The following NFIC variants were observed in gnomAD, a reference collection of about 807,000 sequenced individuals.
NFIC encodes the protein nuclear factor I C.
Under a neutral mutation model 54.4 loss-of-function variants are expected in NFIC, and 12 were observed. The observed-to-expected ratio is 0.22, with a 90% confidence interval of 0.14 to 0.36. The LOEUF (loss-of-function observed/expected upper bound fraction) is 0.36. Ranked by LOEUF, NFIC falls within the 10% of genes least tolerant of loss-of-function variation. NFIC has a pLI of 1.00. For synonymous variants in NFIC, 322 were observed against 319.2 expected, an observed-to-expected ratio of 1.01 and a Z score of -0.09; for missense variants, 575 against 718.2, an observed-to-expected ratio of 0.80 and a Z score of 2.28.
rs73919112 is a variant in NFIC, at chr19:3,360,902, G to A, written c.3+1217G>A. ...TGGCCGCGTTCCAGGGGACAGTTGG[G>A]TGCCGCTTGCTGTGTGCGAGTGACT... On this transcript the variant is annotated intron_variant, in intron 1 of 9. Coordinates refer to the NFIC transcript ENST00000395111. 9.7e-3 allele frequency among the ~76,000 whole-genome samples: 1,480 copies of A among 152,314 alleles called. 26 individuals are homozygous for A. Among genetic ancestry groups the A allele is most frequent in the African/African-American group, 0.033 (1,373 of 41,578 alleles).
chr19:3,406,306 C>T (rs2081647700), intron 2 of NFIC, among the ~76,000 whole-genome samples: 1 of 126,206 alleles, frequency 7.9e-6, no homozygotes, highest in African/African-American at 3.0e-5. Context: ...GTTGCCCAGG[C>T]TGGTCTCGAA....
At chr19:3,387,905 G>A (rs1057095427) in intron 2 of NFIC, among the ~76,000 whole-genome samples, 2 of 152,082 alleles carry the variant, frequency 1.3e-5, no homozygotes, top group African/African-American at 2.4e-5. Context: ...CTGTCTGCCC[G>A]CCCAGGGCCT....
chr19:3,373,625 C>CA (rs1279172325), intron 1 of NFIC, among the ~76,000 whole-genome samples: 1 of 124,462 alleles, frequency 8.0e-6, no homozygotes, highest in Non-Finnish European at 1.6e-5. Flanking sequence ...GGACCCCCCC[C>CA]CCAAGCTAAA....
intron 2 of NFIC, among the ~76,000 whole-genome samples, chr19:3,386,512 G>T (rs949298776): frequency 6.6e-6 from 1 of 151,850 alleles, no homozygotes; most frequent in Non-Finnish European, 1.5e-5. Flanking sequence ...TAGTAGAGAC[G>T]GGCTTTCACC....
chr19:3,360,533 A>G (rs1297850001), intron 1 of NFIC, among the ~76,000 whole-genome samples: 1 of 151,804 alleles, frequency 6.6e-6, no homozygotes, highest in African/African-American at 2.4e-5. Context: ...CGGCATTGGC[A>G]TCTGGGGGAG....
At chr19:3,397,655 C>G (rs537681162) in intron 2 of NFIC, among the ~76,000 whole-genome samples, 3 of 152,258 alleles carry the variant, frequency 2.0e-5, no homozygotes, top group Non-Finnish European at 4.4e-5. Flanking sequence ...CCATCCCACC[C>G]AGTGGGCTGC....
At chr19:3,383,661 G>A (rs2081248184) in intron 2 of NFIC, among the ~76,000 whole-genome samples, 1 of 152,190 alleles carries the variant, frequency 6.6e-6, no homozygotes, top group Admixed American at 6.5e-5. Context: ...GCCCATCCAG[G>A]CCGTGTCTGG....
chr19:3,397,149 A>G (rs59840321), intron 2 of NFIC, among the ~76,000 whole-genome samples: 4,046 of 152,130 alleles, frequency 0.027, 185 homozygotes, highest in African/African-American at 0.093. Flanking sequence ...CCGTCTCACA[A>G]CCACCCGCTG....
chr19:3,440,981 A>AT (rs528473488), intron 6 of NFIC, among the ~76,000 whole-genome samples: 50 of 152,072 alleles, frequency 3.3e-4, no homozygotes, highest in Middle Eastern at 6.8e-3. Context: ...ACACCTGGCT[A>AT]TTTTTTGTAC....
chr19:3,371,487 GA>G (rs1555739091), intron 1 of NFIC: 1 of 13,500 alleles, frequency 7.4e-5, no homozygotes, highest in Non-Finnish European at 2.1e-4. Context: ...CCTGTTGCAC[GA>G]ATGAATGAAT....
chr19:3,403,696 GC>G (rs1264347520), intron 2 of NFIC, among the ~76,000 whole-genome samples: 1 of 152,174 alleles, frequency 6.6e-6, no homozygotes, highest in African/African-American at 2.4e-5. Context: ...CCTTCCTCCT[GC>G]CTCCTTTGGC....
Position 3,452,492 on chromosome 19 carries a change from G to A in NFIC, c.1095G>A (p.Arg365=). The A allele has an allele frequency of 6.2e-7, 1 of 1,611,906 alleles. No homozygotes were observed. The highest frequency in any genetic ancestry group is 8.5e-7 in the Non-Finnish European group (1 of 1,179,974). ...CCACTGTCTCCGCAGGGATCGCCCG[G>A]AGCCCACACCCGTCCTCCGCTCTGC... ...PVIAVHSGIA[R]SPHPSSALHF... Residue 365 remains arginine (R), a synonymous_variant, in exon 8 of 11, where the codon CGG becomes CGA. Transcript: ENST00000443272. This position sits in a 1 kb window ranked among gnomAD's most constrained non-coding sequence, Gnocchi z 5.3.
Position 3,370,710 on chromosome 19 carries a change from C to T in NFIC, c.30+4044C>T, listed in dbSNP as rs143167174. Among the ~76,000 whole-genome samples, 3 of 136,248 alleles carry T rather than the reference C, an allele frequency of 2.2e-5. No individual in the cohort carries two copies. Among genetic ancestry groups the T allele is most frequent in the Admixed American group, 7.5e-5 (1 of 13,342 alleles). 89.4% of individuals were successfully genotyped at this position (136,248 alleles called of 152,430 possible). A position where few individuals can be genotyped will look rare whatever the true frequency, so the allele number is the denominator to read the frequency against. The stretch of plus-strand genomic sequence containing the variant: ...TCTCTCTGTCTGTCTCTTTCTTTCT[C>T]CCTCCCTTCCTCTCTCTCTGTTCCT... On this transcript the variant is annotated intron_variant, in intron 1 of 10. Transcript: ENST00000443272. The surrounding 1 kb of genome is among the most constrained non-coding windows in gnomAD (Gnocchi z 5.2).
In NFIC at chr19:3,456,695, G is replaced by C. The variant is rs546746870; in HGVS notation, c.1509+60G>C. 4.4e-6 allele frequency: 6 copies of C among 1,354,456 alleles called. No individual in the cohort carries two copies. The African/African-American group carries it at 7.4e-5, about 17-fold the overall frequency. The allele number at this position is 1,354,456 out of a possible 1,614,324, so 83.9% of individuals were successfully genotyped here. A position where few individuals can be genotyped will look rare whatever the true frequency, so the allele number is the denominator to read the frequency against. On this transcript the variant is annotated intron_variant, in intron 10 of 10. Transcript: ENST00000443272. ...GGGCAGGGCAGAGGGGCCGGCCCGGGGGGCTCAGGGCGAAGAGGGCCTGCT... is the reference window on the plus strand; with the variant it reads ...GGGCAGGGCAGAGGGGCCGGCCCGGCGGGCTCAGGGCGAAGAGGGCCTGCT...
chr19:3,413,094 G>A (rs986037488), intron 2 of NFIC, among the ~76,000 whole-genome samples: 4 of 152,076 alleles, frequency 2.6e-5, no homozygotes, highest in Admixed American at 1.3e-4. Flanking sequence ...GATTACAGGT[G>A]TGTGCCACCA....
At chr19:3,362,909 G>A (rs1187314421), upstream of NFIC, among the ~76,000 whole-genome samples, 1 of 152,086 alleles carries the variant, frequency 6.6e-6, no homozygotes, top group African/African-American at 2.4e-5. Context: ...ATGGGGGGCT[G>A]GGGGTTCCTG....
chr19:3,456,901 G>A, intron 10 of NFIC: 1 of 527,750 alleles, frequency 1.9e-6, no homozygotes, highest in Non-Finnish European at 3.5e-6. Context: ...GACCATCGTG[G>A]TACAGCTATG....
rs2145429641 is a variant in NFIC, at chr19:3,369,241, CTG to C, written c.30+2577_30+2578del. Among the ~76,000 whole-genome samples the C allele has an allele frequency of 6.6e-6, 1 of 152,128 alleles. No homozygotes were observed. The highest frequency in any genetic ancestry group is 2.4e-5 in the African/African-American group (1 of 41,490). ...CTCTGTCTCTCTGCCCCCTTCCTCT[CTG>C]TCTCTGTTTCTCTCCAATATGTCTG... On this transcript the variant is annotated intron_variant, in intron 1 of 10. Transcript: ENST00000443272. The surrounding 1 kb of genome is among the most constrained non-coding windows in gnomAD (Gnocchi z 4.3).
intron 2 of NFIC, among the ~76,000 whole-genome samples, chr19:3,388,043 C>T (rs1291275371): frequency 6.6e-6 from 1 of 152,176 alleles, no homozygotes; most frequent in African/African-American, 2.4e-5. Context: ...CCAGCCCGCC[C>T]CGAGCCGCCA....
Sources: allele counts gnomAD v4.1 joint callset (sites outside exome capture counted in the v4.1 genomes callset), GRCh38; gene constraint gnomAD v4.1.1; non-coding constraint Gnocchi (gnomAD v3.1); transcripts MANE v1.5; gene names NCBI Gene and HGNC (gene_info 2026-07-23, HGNC 2026-07-21).